The following ADAM29 variants were observed in gnomAD, a reference collection of about 807,000 sequenced individuals.
ADAM29 encodes the protein disintegrin and metalloproteinase domain-containing protein 29.
For synonymous variants in ADAM29, 367 were observed against 342.3 expected (o/e 1.07, Z -0.80); for missense variants, 969 against 1,001.8 (o/e 0.97, Z 0.44).
chr4:174,959,671 G>C (rs1745701048), intron 4 of ADAM29, among the ~76,000 whole-genome samples: 1 of 151,444 alleles, frequency 6.6e-6, no homozygotes, highest in Non-Finnish European at 1.5e-5. Flanking sequence ...TGAATATTTT[G>C]TTTTTAAAAT....
At chr4:174,946,825 C>A (rs981098444) in intron 4 of ADAM29, among the ~76,000 whole-genome samples, 1 of 152,094 alleles carries the variant, frequency 6.6e-6, no homozygotes. Flanking sequence ...ATGGTACCAG[C>A]TCTTCATTAC....
intron 4 of ADAM29, 58 bp from the exon 5 acceptor site, chr4:174,975,288 T>C (rs1746698714): frequency 5.3e-6 from 2 of 378,988 alleles, no homozygotes; most frequent in Non-Finnish European, 9.3e-6. Context: ...CACTGGATTC[T>C]CTTATAAGAA....
intron 3 of ADAM29, among the ~76,000 whole-genome samples, chr4:174,933,647 GA>G (rs1744038004): frequency 6.6e-6 from 1 of 152,038 alleles, no homozygotes; most frequent in Admixed American, 6.6e-5. Context: ...TCCTCAAGGA[GA>G]CCCCAATGTC....
chr4:174,970,421 G>A (rs1746405693), intron 4 of ADAM29, among the ~76,000 whole-genome samples: 9 of 152,074 alleles, frequency 5.9e-5, no homozygotes, highest in Admixed American at 5.9e-4. Context: ...AGTGATATGA[G>A]AATGATTTGA....
At chr4:174,944,306 C>G (rs1001635690) in intron 4 of ADAM29, among the ~76,000 whole-genome samples, 3 of 151,856 alleles carry the variant, frequency 2.0e-5, no homozygotes, top group African/African-American at 7.3e-5. Context: ...GAACAAAAAT[C>G]CGAGTAGGAA....
chr4:174,970,117 A>G (rs1746389992), intron 4 of ADAM29, among the ~76,000 whole-genome samples: 1 of 152,164 alleles, frequency 6.6e-6, no homozygotes, highest in African/African-American at 2.4e-5. Flanking sequence ...TCACAGAAAG[A>G]GAATATACAC....
rs1427622177 is a variant in ADAM29, at chr4:174,923,519, TTATATGTATATATA to T, written c.-451+2733_-451+2746del. ...TGCATCATCCCCTATATACTGTGCA[TTATATGTATATATA>T]TATATATATATATATATATATATAT... On this transcript the variant is annotated intron_variant, in intron 2 of 4. Transcript: ENST00000359240. Among the ~76,000 whole-genome samples, 81 of 36,774 alleles carry T rather than the reference TTATATGTATATATA, an allele frequency of 2.2e-3. 1 individual carries two copies. Among genetic ancestry groups the T allele is most frequent in the African/African-American group, 4.7e-3 (81 of 17,202 alleles). The allele number at this position is 36,774 out of a possible 152,430, so 24.1% of individuals were successfully genotyped here.
intron 2 of ADAM29, among the ~76,000 whole-genome samples, chr4:174,929,289 A>G (rs577880744): frequency 6.6e-6 from 1 of 152,100 alleles, no homozygotes; most frequent in Admixed American, 6.5e-5. Flanking sequence ...CATAATGTTG[A>G]CTTTCTTTAG....
Position 174,975,339 on chromosome 4 carries a change from C to T in ADAM29, c.-180-7C>T. On this transcript the variant is annotated splice_polypyrimidine_tract_variant and splice_region_variant and intron_variant, in intron 4 of 4. Coordinates refer to ENST00000359240, the MANE Select transcript of ADAM29 (RefSeq NM_014269.4). ...CATCCACATGCTGCTTTTTGTTTTA[C>T]TTATAGTGCTGCAGCTCTGATGGTT... The T allele has an allele frequency of 2.3e-6, 1 of 435,520 alleles. No individual in the cohort carries two copies. The highest frequency in any genetic ancestry group is 3.9e-6 in the Non-Finnish European group (1 of 254,690). 27.0% of individuals were successfully genotyped at this position (435,520 alleles called of 1,614,324 possible).
At chr4:174,951,020 A>T (rs1344935854) in intron 4 of ADAM29, among the ~76,000 whole-genome samples, 1 of 152,158 alleles carries the variant, frequency 6.6e-6, no homozygotes, top group Non-Finnish European at 1.5e-5. Flanking sequence ...AAGAACTGTG[A>T]GTTGATTAAA....
chr4:174,976,305 T>A lies in ADAM29; in HGVS notation c.780T>A (p.Asp260Glu), dbSNP rs573480300. The change falls in exon 5 of 5, where the codon GAT (aspartate) becomes GAA (glutamate). Residue 260 changes from aspartate to glutamate, a missense_variant. By Grantham distance (45) the Asp-to-Glu change is conservative. Transcript: ENST00000359240. ...CCAATAAAAACCTCATTGTAGTAGA[T>A]GATGTAAGGAAATCTGTGCACCTGT... ...IWTNKNLIVV[D>E]DVRKSVHLYC... 5 of 1,612,646 alleles carry A rather than the reference T, an allele frequency of 3.1e-6. No homozygotes were observed. The South Asian group carries it at 4.4e-5, about 14-fold the overall frequency.
At chr4:174,936,663 A>AT (rs1159265590) in intron 3 of ADAM29, among the ~76,000 whole-genome samples, 3 of 151,852 alleles carry the variant, frequency 2.0e-5, no homozygotes, top group Non-Finnish European at 4.4e-5. Context: ...AAACGGTACT[A>AT]TTTTTTTCAT....
At position 174,977,195 on chromosome 4, in the gene ADAM29, A is replaced by C; in HGVS notation, c.1670A>C (p.Glu557Ala). Residue 557 changes from glutamate (E) to alanine (A), a missense_variant, in exon 5 of 5, where the codon GAG (glutamate) becomes GCG (alanine). Glu to Ala is a moderately radical substitution (Grantham distance 107). Coordinates refer to ENST00000359240, the MANE Select transcript of ADAM29 (RefSeq NM_014269.4). ...SDVQCGRIQC[E>A]NVTEIPNMSD... ...GTCCAGTGTGGAAGAATTCAGTGTG[A>C]GAATGTGACAGAAATTCCCAATATG... 1 of 1,614,104 alleles carries C rather than the reference A, an allele frequency of 6.2e-7. No homozygotes were observed. The highest frequency in any genetic ancestry group is 8.5e-7 in the Non-Finnish European group (1 of 1,180,042).
chr4:174,977,978 C>T lies in ADAM29; in HGVS notation c.2453C>T (p.Thr818Met), dbSNP rs201528348. 26 of 1,591,136 alleles carry T rather than the reference C, an allele frequency of 1.6e-5. No individual in the cohort carries two copies. The highest frequency in any genetic ancestry group is 4.1e-5 in the African/African-American group (3 of 73,924). The change falls in exon 5 of 5, where the codon ACG becomes ATG. Residue 818 changes from threonine (T) to methionine (M), a missense_variant. Coordinates refer to ENST00000359240, the MANE Select transcript of ADAM29 (RefSeq NM_014269.4). ...CCTTCCCAGAGTCAACCTCCTGTGACGCCCTCCTAGAGCCAACCTCAGTTG... is the reference window on the plus strand; with the variant it reads ...CCTTCCCAGAGTCAACCTCCTGTGATGCCCTCCTAGAGCCAACCTCAGTTG... ...LMPSQSQPPV[T>M]PS
chr4:174,931,557 G>A (rs1470261597), intron 3 of ADAM29, among the ~76,000 whole-genome samples: 1 of 152,024 alleles, frequency 6.6e-6, no homozygotes, highest in East Asian at 1.9e-4. Flanking sequence ...TTCCCGACCA[G>A]AGTCTCCATA....
At chr4:174,954,450 C>T (rs1161884768) in intron 4 of ADAM29, among the ~76,000 whole-genome samples, 2 of 152,094 alleles carry the variant, frequency 1.3e-5, no homozygotes, top group Non-Finnish European at 2.9e-5. Context: ...ATTTTTTTCT[C>T]AATATTTCTC....
Position 174,976,061 on chromosome 4 carries a change from A to G in ADAM29, c.536A>G (p.Glu179Gly). 2 of 1,610,094 alleles carry G rather than the reference A, an allele frequency of 1.2e-6. No homozygotes were observed. Among genetic ancestry groups the G allele is most frequent in the Non-Finnish European group, 1.7e-6 (2 of 1,179,104 alleles). ...ATAACATGCCGAATGGAATTTGAAG[A>G]AATTGATAATTCCACTCAGAAGCAA... Reference protein sequence around the residue: ...NEITCRMEFEEIDNSTQKQSS... With the variant: ...NEITCRMEFEGIDNSTQKQSS... Residue 179 changes from glutamate (E) to glycine (G), a missense_variant, in exon 5 of 5, where the codon GAA becomes GGA. Physicochemically the swap from Glu to Gly is moderately conservative, Grantham distance 98 (BLOSUM62 -2). Transcript: ENST00000359240.
intron 4 of ADAM29, among the ~76,000 whole-genome samples, chr4:174,971,747 C>T (rs565578970): frequency 4.6e-5 from 7 of 152,138 alleles, no homozygotes; most frequent in Non-Finnish European, 7.4e-5. Context: ...TTGCCTTCCT[C>T]AGATTTGGGA....
chr4:174,959,469 G>C lies in ADAM29; in HGVS notation c.-180-15877G>C, dbSNP rs1293797268. 2.6e-5 allele frequency among the ~76,000 whole-genome samples: 4 copies of C among 150,948 alleles called. No individual in the cohort carries two copies. The South Asian group carries it at 8.3e-4, about 31-fold the overall frequency. ...TGTATGAGAAAGACTGTGTGTGTGT[G>C]TGTGTGTGTGTGTGTTTGTGTGTTT... On this transcript the variant is annotated intron_variant, in intron 4 of 4. Transcript: ENST00000359240.
Sources: allele counts gnomAD v4.1 joint callset (sites outside exome capture counted in the v4.1 genomes callset), GRCh38; gene constraint gnomAD v4.1.1; transcripts MANE v1.5; gene names NCBI Gene and HGNC (gene_info 2026-07-23, HGNC 2026-07-21).